The following IRX4 variants were observed in gnomAD, a reference collection of about 807,000 sequenced individuals.
The protein encoded by IRX4 is iroquois homeobox 4.
In IRX4, 22 loss-of-function variants were observed where a neutral mutation model predicts 32.0. That is an observed-to-expected ratio of 0.69 (90% CI 0.49 to 0.98). The LOEUF is 0.98. Among genes scored for constraint, IRX4 ranks in the 50% least tolerant of loss-of-function variants. The pLI is 0.00. For missense variants in IRX4, 840 were observed against 744.2 expected (o/e 1.13, Z -1.50); for synonymous variants, 379 against 351.7 (o/e 1.08, Z -0.87).
In IRX4 at chr5:1,879,518, C is replaced by A; in HGVS notation, c.722G>T (p.Ser241Ile). The change falls in exon 4 of 5, where the codon AGC (serine) becomes ATC (isoleucine). Residue 241 changes from serine (S) to isoleucine (I), a missense_variant. Around this residue, in one of 3 missense-constraint regions of IRX4, gnomAD observed 585 missense variants for 488.0 expected, o/e 1.20. Transcript: ENST00000231357. ...EEEAREEPLK[S>I]SKNAEPVGKE... ...TCCCAACCCACCTGCGTTCTTGGAG[C>A]TCTTGAGGGGCTCCTCCCGCGCCTC... 3.1e-6 allele frequency: 5 copies of A among 1,613,214 alleles called. No individual in the cohort carries two copies. Among genetic ancestry groups the A allele is most frequent in the Non-Finnish European group, 4.2e-6 (5 of 1,180,022 alleles).
At chr5:1,884,060 G>C (rs1451930835), upstream of IRX4, 1 of 152,344 alleles carries the variant, frequency 6.6e-6, no homozygotes, top group African/African-American at 2.4e-5. Context: ...CCCTCCCTGG[G>C]ACCTTGCCCA....
chr5:1,878,485 C>A lies in IRX4; in HGVS notation c.1044G>T (p.Glu348Asp), dbSNP rs1316442266. The change falls in exon 5 of 5, where the codon GAG (glutamate) becomes GAT (aspartate). Residue 348 changes from glutamate to aspartate, a missense_variant. Around this residue, in one of 3 missense-constraint regions of IRX4, gnomAD observed 585 missense variants for 488.0 expected, o/e 1.20. Coordinates refer to ENST00000231357, the MANE Select transcript of IRX4 (RefSeq NM_016358.3). ...CCGCCGGCACAAACCCCAGCTTGGC[C>A]TCGCAGACCTGAGGGCCGCCCTCTG... ...PGAEGGPQVC[E>D]AKLGFVPAGA... 6.9e-7 allele frequency: 1 copy of A among 1,442,422 alleles called. No individual in the cohort carries two copies. The highest frequency in any genetic ancestry group is 1.5e-5 in the African/African-American group (1 of 67,830). The allele number at this position is 1,442,422 out of a possible 1,614,324, so 89.4% of individuals were successfully genotyped here. A position where few individuals can be genotyped will look rare whatever the true frequency, so the allele number is the denominator to read the frequency against.
At chr5:1,883,513 G>A (rs1579256712), upstream of IRX4, among the ~76,000 whole-genome samples, 1 of 152,226 alleles carries the variant, frequency 6.6e-6, no homozygotes, top group African/African-American at 2.4e-5. Flanking sequence ...GCGGCCGCAA[G>A]ACAGCCCGCA....
chr5:1,877,779 G>C lies in IRX4; in HGVS notation c.*190C>G. ...ATGGCCCGGTCAGGCTCAGGCCCAGGCGGTGGAGGCCCCGGCGTGGCAGCG... is the reference window on the plus strand; with the variant it reads ...ATGGCCCGGTCAGGCTCAGGCCCAGCCGGTGGAGGCCCCGGCGTGGCAGCG... On this transcript the variant is annotated 3_prime_UTR_variant, in exon 5 of 5. Transcript: ENST00000231357. 1.7e-6 allele frequency: 1 copy of C among 586,330 alleles called. No individual in the cohort carries two copies. Among genetic ancestry groups the C allele is most frequent in the Non-Finnish European group, 2.9e-6 (1 of 347,862 alleles). The allele number at this position is 586,330 out of a possible 1,614,324, so 36.3% of individuals were successfully genotyped here. A position where few individuals can be genotyped will look rare whatever the true frequency, so the allele number is the denominator to read the frequency against.
rs370911665 is a variant in IRX4 at position 1,881,838 on chromosome 5, G to T, written c.267C>A (p.Tyr89Ter). 2 of 1,576,136 alleles carry T rather than the reference G, an allele frequency of 1.3e-6. No individual in the cohort carries two copies. The highest frequency in any genetic ancestry group is 1.7e-6 in the Non-Finnish European group (2 of 1,161,318). The change falls in exon 2 of 5, where the codon TAC becomes TAA. Residue 89 changes from tyrosine (Y) to a stop codon, truncating the protein, a stop_gained. Transcript: ENST00000231357. LOFTEE classifies it high-confidence loss of function. The stretch of plus-strand genomic sequence containing the variant: ...AGTAGAAGGCGGACGCCTCCGAGCC[G>T]TAGGTCACGTAGTTGCCATAGCCCT... ...GSQGYGNYVT[Y>*]GSEASAFYSL... is the part of the protein sequence containing the mutation.
Position 1,878,604 on chromosome 5 carries a change from C to T in IRX4, c.925G>A (p.Ala309Thr), listed in dbSNP as rs930572714. ...EASGALRMSL[A>T]AGGGAALDED... ...TCCAGAGCAGCTCCGCCACCCGCGG[C>T]CAGAGACATCCGGAGCGCGCCTGAG... The change falls in exon 5 of 5, where the codon GCC becomes ACC. Residue 309 changes from alanine to threonine, a missense_variant. Transcript: ENST00000231357. The T allele has an allele frequency of 6.4e-7, 1 of 1,560,394 alleles. No individual in the cohort carries two copies. The highest frequency in any genetic ancestry group is 8.7e-7 in the Non-Finnish European group (1 of 1,153,456).
chr5:1,881,204 C>A, intron 2 of IRX4: 1 of 321,346 alleles, frequency 3.1e-6, no homozygotes, highest in African/African-American at 2.3e-5. Context: ...CTGGGGATGC[C>A]CTGGGATGCA....
In IRX4 at chr5:1,877,977, A is replaced by G. The variant is rs1244637019; in HGVS notation, c.1552T>C (p.Cys518Arg). ...ALPKAGGKPFCA is the reference protein window; with the variant it reads ...ALPKAGGKPFRA ...CTCGGGACCCGCCCGCCTCAGGCGC[A>G]GAAGGGTTTGCCGCCGGCCTTGGGC... Residue 518 changes from cysteine (C) to arginine (R), a missense_variant, in exon 5 of 5, where the codon TGC becomes CGC. By Grantham distance (180) the Cys-to-Arg change is radical (BLOSUM62 -3). This residue lies in a region of IRX4 where 585 missense variants were observed against 488.0 expected (regional missense o/e 1.20). Coordinates refer to ENST00000231357, the MANE Select transcript of IRX4 (RefSeq NM_016358.3). 4 of 1,500,786 alleles carry G rather than the reference A, an allele frequency of 2.7e-6. No homozygotes were observed. Among genetic ancestry groups the G allele is most frequent in the African/African-American group, 1.4e-5 (1 of 69,456 alleles). The allele number at this position is 1,500,786 out of a possible 1,614,324, so 93.0% of individuals were successfully genotyped here.
intron 3 of IRX4, chr5:1,880,288 T>C: frequency 1.5e-6 from 1 of 673,794 alleles, no homozygotes; most frequent in Non-Finnish European, 2.5e-6. Context: ...GTGGTTGCAT[T>C]GAGGAAAGTG....
chr5:1,879,376 G>A lies in IRX4; in HGVS notation c.736+128C>T, dbSNP rs1579250285. On this transcript the variant is annotated intron_variant, in intron 4 of 4. Transcript: ENST00000231357. ...CACATTGGTAGCCTGAGGCAGAACC[G>A]GTTTGCACGGTGACCGCCTAGGCAT... is the stretch of plus-strand genomic sequence containing the variant. 3 of 1,458,734 alleles carry A rather than the reference G, an allele frequency of 2.1e-6. No homozygotes were observed. In the South Asian group the frequency reaches 3.8e-5, roughly 18 times the overall value. 90.4% of individuals were successfully genotyped at this position (1,458,734 alleles called of 1,614,324 possible).
chr5:1,880,797 T>A lies in IRX4; in HGVS notation c.335A>T (p.His112Leu). 6.2e-7 allele frequency: 1 copy of A among 1,613,636 alleles called. No individual in the cohort carries two copies. Among genetic ancestry groups the A allele is most frequent in the Non-Finnish European group, 8.5e-7 (1 of 1,179,968 alleles). Residue 112 changes from histidine (H) to leucine (L), a missense_variant, in exon 3 of 5, where the codon CAT becomes CTT. By Grantham distance (99) the His-to-Leu change is moderately conservative. Transcript: ENST00000231357. Reference sequence around the variant, plus strand: ...GGCAGCGGCTGGTGCCAGGCCCCCATGCGCAGATCCCGAACCATCCTTGGA... The same window carrying A: ...GGCAGCGGCTGGTGCCAGGCCCCCAAGCGCAGATCCCGAACCATCCTTGGA... ...FDSKDGSGSA[H>L]GGLAPAAAAY...
In IRX4 at chr5:1,877,907, G is replaced by GA. The variant is rs1561132620; in HGVS notation, c.*61dup. The stretch of plus-strand genomic sequence containing the variant: ...GCTAGTCTTCCTCTGGAAACTCAGT[G>GA]AAAAGAGTCGGCGCCGTCCGCCTGA... On this transcript the variant is annotated 3_prime_UTR_variant, in exon 5 of 5. Transcript: ENST00000231357. 5 of 1,408,480 alleles carry GA rather than the reference G, an allele frequency of 3.5e-6. No individual in the cohort carries two copies. In the African/African-American group the frequency reaches 6.0e-5, roughly 17 times the overall value. 87.2% of individuals were successfully genotyped at this position (1,408,480 alleles called of 1,614,324 possible). A position where few individuals can be genotyped will look rare whatever the true frequency, so the allele number is the denominator to read the frequency against.
chr5:1,881,540 A>T (rs896020125), intron 2 of IRX4, among the ~76,000 whole-genome samples: 1 of 151,532 alleles, frequency 6.6e-6, no homozygotes, highest in Non-Finnish European at 1.5e-5. Flanking sequence ...CGGGAAACAC[A>T]CGCAGACCGA....
chr5:1,878,850 CCT>C lies in IRX4; in HGVS notation c.737-60_737-59del, dbSNP rs1735318668. The C allele has an allele frequency of 9.0e-6, 14 of 1,557,940 alleles. No individual in the cohort carries two copies. The Admixed American group carries it at 1.7e-4, about 19-fold the overall frequency. ...GAGGGTTGGTAGGTGAATCAGACCC[CCT>C]GTCCCCGTCCACCATTATGAGGCCT... On this transcript the variant is annotated intron_variant, in intron 4 of 4. Transcript: ENST00000231357.
chr5:1,882,928 A>C (rs1735506780), upstream of IRX4, among the ~76,000 whole-genome samples: 1 of 130,802 alleles, frequency 7.6e-6, no homozygotes, highest in African/African-American at 2.7e-5. Flanking sequence ...TATTTTACGA[A>C]AAAGAAAAAA....
In IRX4 at chr5:1,879,619, C is replaced by T. The variant is rs774523402; in HGVS notation, c.621G>A (p.Thr207=). 5 of 1,613,952 alleles carry T rather than the reference C, an allele frequency of 3.1e-6. No homozygotes were observed. Among genetic ancestry groups the T allele is most frequent in the Admixed American group, 1.7e-5 (1 of 60,016 alleles). The stretch of plus-strand genomic sequence containing the variant: ...CTGCGCACTTGTTCCGCGGCGGCCA[C>T]GTCATCTTGTTCTCCTTCTTGAGGC... ...RRRLKKENKM[T]WPPRNKCADE... Residue 207 remains threonine, a synonymous_variant, in exon 4 of 5, where the codon ACG becomes ACA. Transcript: ENST00000231357.
At chr5:1,881,185 T>C (rs1357969760) in intron 2 of IRX4, 2 of 353,346 alleles carry the variant, frequency 5.7e-6, no homozygotes, top group South Asian at 2.6e-5. Flanking sequence ...GGAGTGGGGA[T>C]TGTTAGGGCT....
upstream of IRX4, among the ~76,000 whole-genome samples, chr5:1,886,213 T>C (rs1348965318): frequency 1.3e-5 from 2 of 152,238 alleles, no homozygotes; most frequent in East Asian, 3.9e-4. Flanking sequence ...CTAGCCCTGG[T>C]GCTTCAGGAG....
intron 1 of IRX4, 120 bp from the exon 2 acceptor site, chr5:1,882,179 G>T: frequency 8.4e-7 from 1 of 1,196,974 alleles, no homozygotes; most frequent in South Asian, 1.6e-5. Context: ...GCCTCCCGCC[G>T]TCCACACCAG....
Sources: allele counts gnomAD v4.1 joint callset (sites outside exome capture counted in the v4.1 genomes callset), GRCh38; gene constraint gnomAD v4.1.1; regional missense constraint gnomAD v4.1.1; transcripts MANE v1.5; gene names NCBI Gene and HGNC (gene_info 2026-07-23, HGNC 2026-07-21).